Variants in RANBP2 observed in about 807,000 individuals in gnomAD.
RANBP2 encodes E3 SUMO-protein ligase RanBP2.
Under a neutral mutation model 303.6 loss-of-function variants are expected in RANBP2, and 57 were observed. That is an observed-to-expected ratio of 0.19 (90% CI 0.15 to 0.23). The LOEUF is 0.23. Among genes scored for constraint, RANBP2 ranks in the 10% least tolerant of loss-of-function variants. The pLI is 1.00. For missense variants in RANBP2, 3,138 were observed against 3,780.8 expected, an observed-to-expected ratio of 0.83 and a Z score of 4.46; for synonymous variants, 1,167 against 1,301.5, an observed-to-expected ratio of 0.90 and a Z score of 2.23.
At chr2:109,449,116 TGG>T in the RANBP2 span, 2 of 1,557,362 alleles carry the variant, frequency 1.3e-6, no homozygotes, top group Non-Finnish European at 1.7e-6. Context: ...CTGGCAGGCA[TGG>T]CAAGTTGCAA....
the RANBP2 span, among the ~76,000 whole-genome samples, chr2:108,792,354 G>A: frequency 6.6e-6 from 1 of 152,164 alleles, no homozygotes; most frequent in African/African-American, 2.4e-5. Context: ...CATCATTTGA[G>A]GAAGATGAAA....
the RANBP2 span, among the ~76,000 whole-genome samples, chr2:108,984,545 C>T: frequency 6.6e-6 from 1 of 152,154 alleles, no homozygotes; most frequent in African/African-American, 2.4e-5. Context: ...ATCTCCAGCT[C>T]ACCCCACCCC....
At chr2:109,645,834 A>T in the RANBP2 span, among the ~76,000 whole-genome samples, 2 of 152,142 alleles carry the variant, frequency 1.3e-5, no homozygotes, top group African/African-American at 4.8e-5. Context: ...ATGAGTGTTC[A>T]TTGTAATTAT....
rs541129522 is a variant in RANBP2 at position 108,751,611 on chromosome 2, A to G, written c.1539A>G (p.Leu513=). The G allele has an allele frequency of 5.0e-6, 8 of 1,611,120 alleles. No individual in the cohort carries two copies. The East Asian group carries it at 1.8e-4, about 36-fold the overall frequency. Reference sequence around the variant, plus strand: ...CTCACCACAGCTCCTATCAGCCGTTATGCCTGCCCCTTCCTGTGTGTAAAC... The same window carrying G: ...CTCACCACAGCTCCTATCAGCCGTTGTGCCTGCCCCTTCCTGTGTGTAAAC... ...CNSHHSSYQP[L]CLPLPVCKQL... is the part of the protein sequence containing the mutation. The change falls in exon 11 of 29, where the codon TTA becomes TTG. Residue 513 remains leucine, a synonymous_variant. Coordinates refer to ENST00000283195, the MANE Select transcript of RANBP2 (RefSeq NM_006267.5).
the RANBP2 span, among the ~76,000 whole-genome samples, chr2:109,143,753 GAAACA>G: frequency 7.6e-6 from 1 of 132,410 alleles, no homozygotes; most frequent in African/African-American, 2.5e-5. Context: ...CACCCTGTCT[GAAACA>G]AAACAAAACA....
At chr2:109,628,898 G>T in the RANBP2 span, among the ~76,000 whole-genome samples, 1 of 151,946 alleles carries the variant, frequency 6.6e-6, no homozygotes, top group Non-Finnish European at 1.5e-5. Context: ...AGGCAGGTTG[G>T]CAGTCATTTA....
the RANBP2 span, among the ~76,000 whole-genome samples, chr2:109,230,395 G>A: frequency 1.3e-5 from 2 of 151,738 alleles, no homozygotes; most frequent in Admixed American, 6.6e-5. Flanking sequence ...TGGCCAACAT[G>A]GTGAAACCCC....
the RANBP2 span, among the ~76,000 whole-genome samples, chr2:108,933,700 C>T: frequency 0.014 from 2,135 of 152,264 alleles, 18 homozygotes; most frequent in Non-Finnish European, 0.022. Flanking sequence ...AGCCAGCCAC[C>T]CCAGTGGTGA....
the RANBP2 span, among the ~76,000 whole-genome samples, chr2:108,955,490 GT>G: frequency 6.6e-6 from 1 of 152,200 alleles, no homozygotes; most frequent in African/African-American, 2.4e-5. Flanking sequence ...GCTCACACCT[GT>G]AATCCTAGCA....
chr2:109,272,573 C>T, the RANBP2 span, among the ~76,000 whole-genome samples: 1 of 152,216 alleles, frequency 6.6e-6, no homozygotes, highest in African/African-American at 2.4e-5. Context: ...GCTGAAGGCT[C>T]AGAGCGCTCG....
chr2:108,767,410 G>A lies in RANBP2; in HGVS notation c.6871G>A (p.Val2291Ile), dbSNP rs780545058. The A allele has an allele frequency of 6.2e-7, 1 of 1,611,962 alleles. No individual in the cohort carries two copies. The highest frequency in any genetic ancestry group is 8.5e-7 in the Non-Finnish European group (1 of 1,179,856). ...CAAGTTGAATCAGAGTGGGACTTCA[G>A]TTGGCACTGATGAAGAATCTGATGT... ...PAKLNQSGTS[V>I]GTDEESDVTQ... The change falls in exon 20 of 29, where the codon GTT (valine) becomes ATT (isoleucine). Residue 2291 changes from valine to isoleucine, a missense_variant. This residue lies in a region of RANBP2 where 72 missense variants were observed against 86.8 expected (regional missense o/e 0.83). Transcript: ENST00000283195.
chr2:108,938,129 A>C, the RANBP2 span, among the ~76,000 whole-genome samples: 3 of 152,232 alleles, frequency 2.0e-5, no homozygotes, highest in African/African-American at 7.2e-5. Flanking sequence ...AGCAGAACCC[A>C]CAGAGGCAGG....
the RANBP2 span, among the ~76,000 whole-genome samples, chr2:109,328,544 G>A: frequency 6.6e-6 from 1 of 152,150 alleles, no homozygotes; most frequent in Non-Finnish European, 1.5e-5. Flanking sequence ...TTTCTAGGTG[G>A]GGCTGTGAGC....
At chr2:109,487,283 C>G in the RANBP2 span, among the ~76,000 whole-genome samples, 2 of 152,232 alleles carry the variant, frequency 1.3e-5, no homozygotes, top group Non-Finnish European at 2.9e-5. Context: ...GAGCCTCTCC[C>G]CGAGTACATG....
the RANBP2 span, among the ~76,000 whole-genome samples, chr2:109,242,321 C>A: frequency 2.6e-5 from 4 of 152,174 alleles, no homozygotes; most frequent in Non-Finnish European, 4.4e-5. Flanking sequence ...GCCTGGGAGT[C>A]TAGAAGCTCC....
At chr2:109,658,802 C>G in the RANBP2 span, among the ~76,000 whole-genome samples, 1 of 152,052 alleles carries the variant, frequency 6.6e-6, no homozygotes, top group Admixed American at 6.6e-5. Flanking sequence ...CACGGTGGCT[C>G]ACACCTGTAA....
the RANBP2 span, among the ~76,000 whole-genome samples, chr2:109,520,598 C>CAA: frequency 4.6e-4 from 23 of 50,090 alleles, no homozygotes; most frequent in Non-Finnish European, 7.6e-4. Context: ...GACTCCATCT[C>CAA]AAAAAAAAAA....
the RANBP2 span, chr2:109,432,554 A>G: frequency 1.9e-6 from 3 of 1,613,730 alleles, no homozygotes; most frequent in South Asian, 2.2e-5. Context: ...CTGGAGCTGC[A>G]CAAGGGAGAG....
chr2:109,660,395 C>T, the RANBP2 span, among the ~76,000 whole-genome samples: 2 of 152,218 alleles, frequency 1.3e-5, no homozygotes, highest in East Asian at 3.9e-4. Context: ...CTTGCTGCAT[C>T]CTGATCCCAC....
Sources: gnomAD v4.1 joint callset for allele counts (sites outside exome capture counted in the v4.1 genomes callset) on GRCh38, gnomAD v4.1.1 for gene constraint, gnomAD v4.1.1 regional missense constraint, MANE v1.5 for transcripts, NCBI Gene and HGNC (gene_info 2026-07-23, HGNC 2026-07-21) for gene names.